Variants in EMSY observed in about 807,000 individuals in gnomAD.
The protein encoded by EMSY is EMSY transcriptional repressor, BRCA2 interacting, also known as BRCA2-interacting transcriptional repressor EMSY.
A neutral mutation model predicts 134.6 loss-of-function variants in EMSY; 26 were observed. The observed-to-expected ratio is 0.19, with a 90% CI of 0.14 to 0.27. EMSY has a LOEUF of 0.27. Ranked by LOEUF, EMSY falls within the 10% of genes least tolerant of loss-of-function variation. EMSY has a pLI of 1.00. For synonymous variants in EMSY, 579 were observed against 577.8 expected, an observed-to-expected ratio of 1.00 and a Z score of -0.03; for missense variants, 1,305 against 1,611.4, an observed-to-expected ratio of 0.81 and a Z score of 3.26.
intron 11 of EMSY, among the ~76,000 whole-genome samples, chr11:76,520,411 G>C (rs1387480668): frequency 6.6e-6 from 1 of 152,112 alleles, no homozygotes; most frequent in Non-Finnish European, 1.5e-5. Flanking sequence ...AAAGTCAAAA[G>C]CATAGTAAAT....
rs534367289 is a variant in EMSY, at chr11:76,486,272, G to T, written c.1109-9943G>T. On this transcript the variant is annotated intron_variant, in intron 8 of 20. Coordinates refer to ENST00000334736, the Ensembl canonical transcript of EMSY. Reference sequence around the variant, plus strand: ...GTTGGCGGGTGGGGGGCAAGGGGAGGGATAGCATTAGGAGAAATAACTAAG... The same window carrying T: ...GTTGGCGGGTGGGGGGCAAGGGGAGTGATAGCATTAGGAGAAATAACTAAG... Among the ~76,000 whole-genome samples, 44 of 152,178 alleles carry T rather than the reference G, an allele frequency of 2.9e-4. 1 individual carries two copies. The South Asian group carries it at 8.5e-3, about 29-fold the overall frequency.
intron 11 of EMSY, among the ~76,000 whole-genome samples, chr11:76,519,608 T>C (rs1950575007): frequency 6.6e-6 from 1 of 152,168 alleles, no homozygotes; most frequent in Non-Finnish European, 1.5e-5. Context: ...ACTTTTTCAT[T>C]CGTTCATTCT....
intron 8 of EMSY, among the ~76,000 whole-genome samples, chr11:76,491,979 A>G (rs1949443460): frequency 6.6e-6 from 1 of 152,232 alleles, no homozygotes. Context: ...GTTTGTAATG[A>G]TAGACTCGTG....
exon 7 of EMSY, chr11:76,463,867 A>G: frequency 5.0e-6 from 8 of 1,614,250 alleles, no homozygotes; most frequent in Non-Finnish European, 6.8e-6. Flanking sequence ...AACGAAGGCG[A>G]ACAAACTCTT....
At chr11:76,506,484 A>G (rs766011856) in intron 9 of EMSY, among the ~76,000 whole-genome samples, 1 of 152,240 alleles carries the variant, frequency 6.6e-6, no homozygotes, top group Non-Finnish European at 1.5e-5. Context: ...CATGAAATGC[A>G]CAGAATACCA....
chr11:76,471,958 C>G (rs551286070), intron 7 of EMSY, among the ~76,000 whole-genome samples: 2 of 152,278 alleles, frequency 1.3e-5, no homozygotes, highest in African/African-American at 4.8e-5. Flanking sequence ...CTACTTCCTT[C>G]TGGTTTCTGT....
chr11:76,484,481 T>G (rs1171645283), intron 8 of EMSY, among the ~76,000 whole-genome samples: 2 of 151,996 alleles, frequency 1.3e-5, no homozygotes, highest in Non-Finnish European at 2.9e-5. Flanking sequence ...TTGAAAGGAT[T>G]AACAAGATAG....
At chr11:76,494,879 G>A (rs1319979551) in intron 8 of EMSY, among the ~76,000 whole-genome samples, 1 of 152,082 alleles carries the variant, frequency 6.6e-6, no homozygotes, top group African/African-American at 2.4e-5. Flanking sequence ...GGGATTACAG[G>A]TGCCTGCCAC....
intron 2 of EMSY, among the ~76,000 whole-genome samples, chr11:76,448,697 A>G (rs187820420): frequency 1.3e-5 from 2 of 152,030 alleles, no homozygotes; most frequent in East Asian, 3.9e-4. Flanking sequence ...TTTGATAGTG[A>G]TTTGCCAAAG....
chr11:76,454,810 T>C lies in EMSY; in HGVS notation c.245+1422T>C. On this transcript the variant is annotated intron_variant, in intron 4 of 20. Transcript: ENST00000334736. Reference sequence around the variant, plus strand: ...TTACAGGTATGCAAATAGGTTATTATTATTTCAGGCTTTTTCTTGTATTTA... The same window carrying C: ...TTACAGGTATGCAAATAGGTTATTACTATTTCAGGCTTTTTCTTGTATTTA... 1 of 1,425,294 alleles carries C rather than the reference T, an allele frequency of 7.0e-7. No homozygotes were observed. The highest frequency in any genetic ancestry group is 9.4e-7 in the Non-Finnish European group (1 of 1,060,910). The allele number at this position is 1,425,294 out of a possible 1,614,324, so 88.3% of individuals were successfully genotyped here. A position where few individuals can be genotyped will look rare whatever the true frequency, so the allele number is the denominator to read the frequency against.
At chr11:76,451,780 C>A in intron 2 of EMSY, 78 bp from the exon 3 acceptor site, 2 of 773,246 alleles carry the variant, frequency 2.6e-6, no homozygotes, top group Non-Finnish European at 3.8e-6. Context: ...AGTTTTTTTG[C>A]CCTGAAGTTT....
chr11:76,549,880 C>CTTGATA, intron 20 of EMSY, 72 bp from the exon 22 acceptor site: 1 of 748,846 alleles, frequency 1.3e-6, no homozygotes, highest in Non-Finnish European at 1.9e-6. Context: ...TTTTTTTTTT[C>CTTGATA]TTGATATTGT....
At chr11:76,468,572 T>G (rs1948450768) in intron 7 of EMSY, among the ~76,000 whole-genome samples, 2 of 152,234 alleles carry the variant, frequency 1.3e-5, no homozygotes, top group South Asian at 4.1e-4. Context: ...CTGTTGCCAT[T>G]ATTGCATTCA....
At chr11:76,476,929 C>T (rs1019674725) in intron 8 of EMSY, among the ~76,000 whole-genome samples, 3 of 151,986 alleles carry the variant, frequency 2.0e-5, no homozygotes, top group African/African-American at 7.2e-5. Flanking sequence ...GGAAATATAT[C>T]GTCGTTTCAT....
intron 14 of EMSY, among the ~76,000 whole-genome samples, chr11:76,535,081 CTT>C (rs1001361884): frequency 4.6e-5 from 7 of 152,176 alleles, no homozygotes; most frequent in Admixed American, 1.3e-4. Context: ...GAATTCAGAA[CTT>C]CCAAGCTACA....
chr11:76,507,447 G>T (rs941066580), intron 9 of EMSY, among the ~76,000 whole-genome samples: 3 of 152,186 alleles, frequency 2.0e-5, no homozygotes, highest in African/African-American at 7.2e-5. Context: ...TTTTAAACGT[G>T]CCATTGCTTT....
chr11:76,535,543 C>T (rs567251452), intron 14 of EMSY, among the ~76,000 whole-genome samples: 1 of 152,256 alleles, frequency 6.6e-6, no homozygotes, highest in Admixed American at 6.5e-5. Flanking sequence ...GCAATTATCA[C>T]ATTGAGTTGT....
At chr11:76,479,901 T>C (rs1332092117) in intron 8 of EMSY, among the ~76,000 whole-genome samples, 1 of 152,188 alleles carries the variant, frequency 6.6e-6, no homozygotes, top group African/African-American at 2.4e-5. Context: ...CACTTAATGG[T>C]AATACTGGTC....
At chr11:76,481,473 G>A (rs146859934) in intron 8 of EMSY, among the ~76,000 whole-genome samples, 5 of 152,308 alleles carry the variant, frequency 3.3e-5, no homozygotes, top group South Asian at 4.1e-4. Flanking sequence ...CCCCATGGAC[G>A]CCAGCAAGCT....
Sources: gnomAD v4.1 joint callset for allele counts (sites outside exome capture counted in the v4.1 genomes callset) on GRCh38, gnomAD v4.1.1 for gene constraint, MANE v1.5 for transcripts, NCBI Gene and HGNC (gene_info 2026-07-23, HGNC 2026-07-21) for gene names.